Variants in CCDC85C observed in about 807,000 individuals in gnomAD.
The protein encoded by CCDC85C is coiled-coil domain-containing protein 85C.
CCDC85C carries 18 observed loss-of-function variants against 38.3 expected under a neutral mutation model. That is an observed-to-expected ratio of 0.47 (90% CI 0.33 to 0.70). CCDC85C has a LOEUF of 0.70. Ranked by LOEUF, CCDC85C falls within the 30% of genes least tolerant of loss-of-function variation. The pLI, the probability that CCDC85C is intolerant of heterozygous loss-of-function variation, is 0.03. For synonymous variants in CCDC85C, 264 were observed against 293.8 expected (o/e 0.90, Z 1.04); for missense variants, 566 against 621.2 (o/e 0.91, Z 0.94).
chr14:99,507,055 T>G lies in CCDC85C; in HGVS notation c.*8191A>C. The G allele has an allele frequency of 6.7e-7, 1 of 1,502,692 alleles. No individual in the cohort carries two copies. Among genetic ancestry groups the G allele is most frequent in the Non-Finnish European group, 9.3e-7 (1 of 1,078,474 alleles). The allele number at this position is 1,502,692 out of a possible 1,614,324, so 93.1% of individuals were successfully genotyped here. On this transcript the variant is annotated 3_prime_UTR_variant, in exon 6 of 6. Transcript: ENST00000380243. ...ATGTGAAGAAGTATGAGTGGTTTTC[T>G]AATCTGCTTTTTCTTTGTAGAACCA...
intron 2 of CCDC85C, among the ~76,000 whole-genome samples, chr14:99,531,670 C>T (rs1411725941): frequency 1.4e-5 from 2 of 140,886 alleles, no homozygotes; most frequent in Admixed American, 1.4e-4. Flanking sequence ...TCACCTTATG[C>T]TATTCCAGAG....
rs76539390 is a variant in CCDC85C, at chr14:99,572,663, C to T, written c.793+30504G>A. 1.8e-5 allele frequency: 8 copies of T among 455,882 alleles called. No homozygotes were observed. Among genetic ancestry groups the T allele is most frequent in the East Asian group, 6.9e-5 (1 of 14,392 alleles). 28.2% of individuals were successfully genotyped at this position (455,882 alleles called of 1,614,324 possible). A position where few individuals can be genotyped will look rare whatever the true frequency, so the allele number is the denominator to read the frequency against. On this transcript the variant is annotated intron_variant, in intron 1 of 5. Coordinates refer to ENST00000380243, the MANE Select transcript of CCDC85C (RefSeq NM_001144995.2). The surrounding 1 kb of genome is among the most constrained non-coding windows in gnomAD (Gnocchi z 4.4). Reference sequence around the variant, plus strand: ...TCATCCAAGCCCCAGGTGACCTGGCCCCTCCTTAAGAGGCCTCCCCTGCCA... The same window carrying T: ...TCATCCAAGCCCCAGGTGACCTGGCTCCTCCTTAAGAGGCCTCCCCTGCCA...
rs1373524246 is a variant in CCDC85C at position 99,603,270 on chromosome 14, G to A, written c.690C>T (p.Pro230=). Residue 230 remains proline, a synonymous_variant, in exon 1 of 6, where the codon CCC becomes CCT. Coordinates refer to ENST00000380243, the MANE Select transcript of CCDC85C (RefSeq NM_001144995.2). The surrounding 1 kb of genome is among the most constrained non-coding windows in gnomAD (Gnocchi z 7.5). ...HHHVPPPLLP[P]GPHKAPDGKA... is the part of the protein sequence containing the mutation. Reference sequence around the variant, plus strand: ...TGCCGTCGGGGGCCTTGTGCGGCCCGGGGGGCAGCAGCGGGGGTGGGACGT... The same window carrying A: ...TGCCGTCGGGGGCCTTGTGCGGCCCAGGGGGCAGCAGCGGGGGTGGGACGT... The A allele has an allele frequency of 2.9e-6, 4 of 1,382,392 alleles. No individual in the cohort carries two copies. The highest frequency in any genetic ancestry group is 6.9e-5 in the Admixed American group (2 of 28,958). The allele number at this position is 1,382,392 out of a possible 1,614,324, so 85.6% of individuals were successfully genotyped here.
rs1897535303 is a variant in CCDC85C, at chr14:99,533,679, C to A, written c.867+2336G>T. Among the ~76,000 whole-genome samples the A allele has an allele frequency of 6.6e-6, 1 of 152,220 alleles. No individual in the cohort carries two copies. Among genetic ancestry groups the A allele is most frequent in the African/African-American group, 2.4e-5 (1 of 41,468 alleles). On this transcript the variant is annotated intron_variant, in intron 2 of 5. Coordinates refer to ENST00000380243, the MANE Select transcript of CCDC85C (RefSeq NM_001144995.2). The surrounding 1 kb of genome is among the most constrained non-coding windows in gnomAD (Gnocchi z 4.2). ...GTGAACAGAGCCCTGCTGCTACCCC[C>A]AGGGAGCTGGTGGGAGCAGGCCTGG...
chr14:99,591,757 T>A (rs1300835531), intron 1 of CCDC85C, among the ~76,000 whole-genome samples: 2 of 137,314 alleles, frequency 1.5e-5, no homozygotes, highest in African/African-American at 2.8e-5. Flanking sequence ...TTTTTGGAAA[T>A]GGAGTCTCAC....
chr14:99,523,961 G>C (rs138455489), intron 2 of CCDC85C, among the ~76,000 whole-genome samples: 4 of 149,940 alleles, frequency 2.7e-5, no homozygotes, highest in African/African-American at 9.8e-5. Context: ...AGAGGAAGAG[G>C]CTACAGCCCC....
At chr14:99,597,190 C>G (rs1470240591) in intron 1 of CCDC85C, among the ~76,000 whole-genome samples, 1 of 152,144 alleles carries the variant, frequency 6.6e-6, no homozygotes, top group African/African-American at 2.4e-5. Flanking sequence ...CACCACCCCC[C>G]AAGCCAGACT....
At chr14:99,525,904 C>A (rs1484280049) in intron 2 of CCDC85C, among the ~76,000 whole-genome samples, 2 of 152,256 alleles carry the variant, frequency 1.3e-5, no homozygotes, top group Non-Finnish European at 2.9e-5. Flanking sequence ...CTCCTCAGCA[C>A]CCTCCAGGAT....
chr14:99,537,924 G>A (rs943763951), intron 1 of CCDC85C, among the ~76,000 whole-genome samples: 2 of 152,154 alleles, frequency 1.3e-5, no homozygotes, highest in African/African-American at 4.8e-5. Flanking sequence ...TTCATGTCCT[G>A]TACCCTACTA....
At chr14:99,581,416 C>T (rs2054967418) in intron 1 of CCDC85C, among the ~76,000 whole-genome samples, 1 of 152,218 alleles carries the variant, frequency 6.6e-6, no homozygotes, top group South Asian at 2.1e-4. Context: ...GACAGAGCTG[C>T]CAGGTAGGAG....
In CCDC85C at chr14:99,603,996, C is replaced by A; in HGVS notation, c.-37G>T. 1.6e-6 allele frequency: 2 copies of A among 1,214,592 alleles called. No individual in the cohort carries two copies. Among genetic ancestry groups the A allele is most frequent in the South Asian group, 7.2e-5 (2 of 27,742 alleles). 75.2% of individuals were successfully genotyped at this position (1,214,592 alleles called of 1,614,324 possible). On this transcript the variant is annotated 5_prime_UTR_variant, in exon 1 of 6. Transcript: ENST00000380243. This position sits in a 1 kb window ranked among gnomAD's most constrained non-coding sequence, Gnocchi z 7.5. ...CACCGCGGCATCGCCCTCGCCCTCGCCCGGCCGGCGCTTCCCCGCGCCGGG... is the reference window on the plus strand; with the variant it reads ...CACCGCGGCATCGCCCTCGCCCTCGACCGGCCGGCGCTTCCCCGCGCCGGG...
chr14:99,532,100 C>T (rs1454622763), intron 2 of CCDC85C, among the ~76,000 whole-genome samples: 1 of 152,228 alleles, frequency 6.6e-6, no homozygotes, highest in African/African-American at 2.4e-5. Flanking sequence ...GACCCTGCAG[C>T]CCTGTCCTGG....
chr14:99,561,459 C>T (rs538932766), intron 1 of CCDC85C, among the ~76,000 whole-genome samples: 15 of 152,334 alleles, frequency 9.8e-5, no homozygotes, highest in Admixed American at 9.8e-4. Context: ...CAGCAGAGCG[C>T]TCTGCTGGTA....
rs553294606 is a variant in CCDC85C, at chr14:99,505,319, T to C, written c.*9927A>G. The C allele has an allele frequency of 2.5e-4, 38 of 152,342 alleles. No individual in the cohort carries two copies. Among genetic ancestry groups the C allele is most frequent in the African/African-American group, 8.7e-4 (36 of 41,580 alleles). The allele number at this position is 152,342 out of a possible 1,614,324, so 9.4% of individuals were successfully genotyped here. ...GCTTTATAGAGGAACTCAGCTGCAC[T>C]GTGCCATGCCGAAGGCTACTGGCTG... On this transcript the variant is annotated 3_prime_UTR_variant, in exon 6 of 6. Transcript: ENST00000380243.
At chr14:99,553,026 G>A (rs1344080513) in intron 1 of CCDC85C, among the ~76,000 whole-genome samples, 1 of 152,212 alleles carries the variant, frequency 6.6e-6, no homozygotes, top group African/African-American at 2.4e-5. Context: ...GCTTCCCCTA[G>A]CAGTGCCGGA....
chr14:99,603,543 G>A lies in CCDC85C; in HGVS notation c.417C>T (p.Arg139=). The A allele has an allele frequency of 7.2e-7, 1 of 1,383,404 alleles. No individual in the cohort carries two copies. 85.7% of individuals were successfully genotyped at this position (1,383,404 alleles called of 1,614,324 possible). A position where few individuals can be genotyped will look rare whatever the true frequency, so the allele number is the denominator to read the frequency against. Residue 139 remains arginine, a synonymous_variant, in exon 1 of 6, where the codon CGC becomes CGT. Coordinates refer to ENST00000380243, the MANE Select transcript of CCDC85C (RefSeq NM_001144995.2). This position sits in a 1 kb window ranked among gnomAD's most constrained non-coding sequence, Gnocchi z 7.5. The stretch of plus-strand genomic sequence containing the variant: ...CCAGCTCCTTGAGCTCCAGGTTCTC[G>A]CGCAGCAGGGCCTCCTGGCGCGCCT... The part of the protein sequence containing the change: ...ELEARQEALL[R]ENLELKELVL...
intron 2 of CCDC85C, among the ~76,000 whole-genome samples, chr14:99,528,303 C>G (rs1897427682): frequency 1.3e-5 from 2 of 152,180 alleles, no homozygotes; most frequent in Non-Finnish European, 2.9e-5. Context: ...CAACCATGCC[C>G]ATCACTCTGC....
At chr14:99,552,517 G>A (rs143385969) in intron 1 of CCDC85C, among the ~76,000 whole-genome samples, 1 of 152,334 alleles carries the variant, frequency 6.6e-6, no homozygotes, top group Non-Finnish European at 1.5e-5. Context: ...AGTCCGGTGG[G>A]ACGAGGTCAG....
rs1896858341 is a variant in CCDC85C, at chr14:99,502,506, A to G, written c.*12740T>C. ...GAGCAATATTTCAGAAGCATCATTAATTAAATTATCTAATAGTTTCCACTT... is the reference window on the plus strand; with the variant it reads ...GAGCAATATTTCAGAAGCATCATTAGTTAAATTATCTAATAGTTTCCACTT... On this transcript the variant is annotated 3_prime_UTR_variant, in exon 6 of 6. Transcript: ENST00000380243. 1 of 1,394,150 alleles carries G rather than the reference A, an allele frequency of 7.2e-7. No homozygotes were observed. The highest frequency in any genetic ancestry group is 2.8e-5 in the Admixed American group (1 of 36,352). 86.4% of individuals were successfully genotyped at this position (1,394,150 alleles called of 1,614,324 possible).
Sources: allele counts gnomAD v4.1 joint callset (sites outside exome capture counted in the v4.1 genomes callset), GRCh38; gene constraint gnomAD v4.1.1; non-coding constraint Gnocchi (gnomAD v3.1); transcripts MANE v1.5; gene names NCBI Gene and HGNC (gene_info 2026-07-23, HGNC 2026-07-21).